The following KSR1 variants were observed in gnomAD, a reference collection of about 807,000 sequenced individuals.
The protein encoded by KSR1 is kinase suppressor of ras 1.
Under a neutral mutation model 92.9 loss-of-function variants are expected in KSR1, and 35 were observed. That is an observed-to-expected ratio of 0.38 (90% confidence interval 0.29 to 0.50). The LOEUF (loss-of-function observed/expected upper bound fraction) is 0.50, where lower values mean the gene tolerates loss of function less well. Among genes scored for constraint, KSR1 ranks in the 20% least tolerant of loss-of-function variants. The pLI is 0.94. For synonymous variants in KSR1, 467 were observed against 472.6 expected, an observed-to-expected ratio of 0.99 and a Z score of 0.15; for missense variants, 972 against 1,158.5, an observed-to-expected ratio of 0.84 and a Z score of 2.34.
At chr17:27,600,090 C>CTT (rs552526373) in intron 10 of KSR1, among the ~76,000 whole-genome samples, 1,437 of 115,188 alleles carry the variant, frequency 0.012, 15 homozygotes, top group African/African-American at 0.027. Flanking sequence ...TTACAGATAA[C>CTT]TTTTTTTTTT....
chr17:27,553,678 G>A (rs2071485913), intron 2 of KSR1, among the ~76,000 whole-genome samples: 1 of 152,228 alleles, frequency 6.6e-6, no homozygotes, highest in African/African-American at 2.4e-5. Flanking sequence ...AGACTCTCCA[G>A]AAACCCCTTC....
At chr17:27,616,345 G>A (rs2074054022) in intron 18 of KSR1, among the ~76,000 whole-genome samples, 1 of 152,180 alleles carries the variant, frequency 6.6e-6, no homozygotes, top group African/African-American at 2.4e-5. Flanking sequence ...CCTACAGTCT[G>A]GGGGATTTCC....
At position 27,623,654 on chromosome 17, in the gene KSR1, G is replaced by A. The variant is rs1332403536; in HGVS notation, c.*262G>A. On this transcript the variant is annotated 3_prime_UTR_variant, in exon 21 of 21. Coordinates refer to ENST00000644974, the MANE Select transcript of KSR1 (RefSeq NM_001394583.1). ...ACGTATATTTCTCCTGAGTGAACCT[G>A]ATGTTTTACAATAGGTAATAATAAA... is the stretch of plus-strand genomic sequence containing the variant. 2 of 601,740 alleles carry A rather than the reference G, an allele frequency of 3.3e-6. No individual in the cohort carries two copies. The highest frequency in any genetic ancestry group is 2.0e-5 in the South Asian group (1 of 49,080). The allele number at this position is 601,740 out of a possible 1,614,324, so 37.3% of individuals were successfully genotyped here. A position where few individuals can be genotyped will look rare whatever the true frequency, so the allele number is the denominator to read the frequency against.
chr17:27,583,082 C>A lies in KSR1; in HGVS notation c.957C>A (p.Arg319=), dbSNP rs2072835437. The A allele has an allele frequency of 6.3e-7, 1 of 1,578,666 alleles. No individual in the cohort carries two copies. Among genetic ancestry groups the A allele is most frequent in the Non-Finnish European group, 8.6e-7 (1 of 1,160,264 alleles). ...CCCATGAGTCTCAGCTGGGGAACCGCATTGATGACGTCTCCTCGATGAGGT... is the reference window on the plus strand; with the variant it reads ...CCCATGAGTCTCAGCTGGGGAACCGAATTGATGACGTCTCCTCGATGAGGT... ...SKSHESQLGN[R]IDDVSSMRFD... is the part of the protein sequence containing the mutation. Residue 319 remains arginine (R), a synonymous_variant, in exon 4 of 21, where the codon CGC becomes CGA. Coordinates refer to ENST00000644974, the MANE Select transcript of KSR1 (RefSeq NM_001394583.1).
At chr17:27,460,640 C>T (rs914032641) in intron 1 of KSR1, among the ~76,000 whole-genome samples, 41 of 152,232 alleles carry the variant, frequency 2.7e-4, no homozygotes, top group African/African-American at 9.6e-4. Flanking sequence ...AGAGGGGAGG[C>T]CCTCCTGCCA....
intron 1 of KSR1, among the ~76,000 whole-genome samples, chr17:27,528,637 G>A (rs1403320740): frequency 1.3e-5 from 2 of 152,006 alleles, no homozygotes; most frequent in South Asian, 2.1e-4. Flanking sequence ...AGTGGCTCAC[G>A]TCTGTAATCC....
At chr17:27,474,285 G>T (rs2068274502) in intron 1 of KSR1, among the ~76,000 whole-genome samples, 2 of 152,356 alleles carry the variant, frequency 1.3e-5, no homozygotes, top group Admixed American at 6.5e-5. Flanking sequence ...TAGCAAACAG[G>T]CCCCTGTCAC....
chr17:27,592,681 T>C lies in KSR1; in HGVS notation c.1299+55T>C, dbSNP rs2073208319. The C allele has an allele frequency of 6.2e-6, 9 of 1,445,982 alleles. No individual in the cohort carries two copies. In the South Asian group the frequency reaches 1.1e-4, roughly 18 times the overall value. The allele number at this position is 1,445,982 out of a possible 1,614,324, so 89.6% of individuals were successfully genotyped here. A position where few individuals can be genotyped will look rare whatever the true frequency, so the allele number is the denominator to read the frequency against. On this transcript the variant is annotated intron_variant, in intron 9 of 20. Coordinates refer to ENST00000644974, the MANE Select transcript of KSR1 (RefSeq NM_001394583.1). ...CTTCTGCCACTGGCCTTCCTTCCTA[T>C]AAAGCACCCCTGCCTCAGAGGCTCA...
intron 2 of KSR1, among the ~76,000 whole-genome samples, chr17:27,553,990 G>A (rs187125525): frequency 5.2e-4 from 79 of 152,196 alleles, no homozygotes; most frequent in Admixed American, 9.8e-4. Flanking sequence ...ACAGTTCTTC[G>A]GACTCTGACT....
intron 9 of KSR1, among the ~76,000 whole-genome samples, chr17:27,593,521 G>A (rs2073239313): frequency 6.6e-6 from 1 of 152,264 alleles, no homozygotes; most frequent in Non-Finnish European, 1.5e-5. Context: ...GACAGGCAAT[G>A]TGGCCAATTC....
chr17:27,582,658 A>G lies in KSR1; in HGVS notation c.533A>G (p.Lys178Arg), dbSNP rs2072808914. 2 of 1,609,256 alleles carry G rather than the reference A, an allele frequency of 1.2e-6. No individual in the cohort carries two copies. The highest frequency in any genetic ancestry group is 1.7e-6 in the Non-Finnish European group (2 of 1,176,716). Residue 178 changes from lysine (K) to arginine (R), a missense_variant, in exon 4 of 21, where the codon AAG becomes AGG. Physicochemically the swap from Lys to Arg is conservative, Grantham distance 26 (BLOSUM62 2). Around this residue, in one of 5 missense-constraint regions of KSR1, gnomAD observed 611 missense variants for 668.0 expected, o/e 0.91. Transcript: ENST00000644974. ...TCTTGGTCCACAGGAGGGGAGCACA[A>G]GGAGGACTCCAGTTGGAGTTCATTG... ...RKVTGLGGEH[K>R]EDSSWSSLDA...
rs546925922 is a variant in KSR1 at position 27,603,153 on chromosome 17, C to T, written c.1511-681C>T. On this transcript the variant is annotated intron_variant, in intron 11 of 20. Coordinates refer to ENST00000644974, the MANE Select transcript of KSR1 (RefSeq NM_001394583.1). ...AACCTTTGGTTCTGGTCTTCCTGGA[C>T]GTGGGACTTTTAGCGCCAAAACTGG... Among the ~76,000 whole-genome samples the T allele has an allele frequency of 3.9e-5, 6 of 152,342 alleles. No individual in the cohort carries two copies. In the South Asian group the frequency reaches 1.0e-3, roughly 26 times the overall value.
chr17:27,528,876 C>A (rs993541880), intron 1 of KSR1, among the ~76,000 whole-genome samples: 9 of 151,996 alleles, frequency 5.9e-5, no homozygotes, highest in African/African-American at 2.2e-4. Context: ...CTGCACTTCA[C>A]CCTGGGTGAC....
At chr17:27,509,346 A>G (rs1427766742) in intron 1 of KSR1, among the ~76,000 whole-genome samples, 1 of 151,386 alleles carries the variant, frequency 6.6e-6, no homozygotes, top group Non-Finnish European at 1.5e-5. Flanking sequence ...GCTGGGGTGC[A>G]GTGGTGCGAT....
intron 1 of KSR1, among the ~76,000 whole-genome samples, chr17:27,495,258 C>T (rs1014174827): frequency 1.3e-5 from 2 of 152,188 alleles, no homozygotes; most frequent in African/African-American, 2.4e-5. Context: ...CCCCTGAGCC[C>T]TCTAATACTG....
At chr17:27,493,778 T>G (rs1327023078) in intron 1 of KSR1, among the ~76,000 whole-genome samples, 5 of 151,896 alleles carry the variant, frequency 3.3e-5, no homozygotes, top group African/African-American at 1.2e-4. Flanking sequence ...AATAATGGGG[T>G]CGTGAGACCA....
At chr17:27,546,265 A>C (rs869670) in intron 1 of KSR1, among the ~76,000 whole-genome samples, 62,307 of 152,050 alleles carry the variant, frequency 0.41, 13,408 homozygotes, top group African/African-American at 0.54. Flanking sequence ...CGGTCCCTGC[A>C]CTGATGTGTA....
intron 1 of KSR1, among the ~76,000 whole-genome samples, chr17:27,547,477 G>A (rs535106358): frequency 6.6e-6 from 1 of 152,352 alleles, no homozygotes; most frequent in East Asian, 1.9e-4. Context: ...GTCACCAGTA[G>A]GAATCACAGT....
chr17:27,557,406 A>G (rs560096710), intron 2 of KSR1, among the ~76,000 whole-genome samples: 22 of 152,318 alleles, frequency 1.4e-4, no homozygotes, highest in African/African-American at 4.8e-4. Context: ...AGAATTAGAC[A>G]TAGCACGCTC....
Sources: allele counts gnomAD v4.1 joint callset (sites outside exome capture counted in the v4.1 genomes callset), GRCh38; gene constraint gnomAD v4.1.1; regional missense constraint gnomAD v4.1.1; transcripts MANE v1.5; gene names NCBI Gene and HGNC (gene_info 2026-07-23, HGNC 2026-07-21).